The following GRIK2 variants were observed in gnomAD, a reference collection of about 807,000 sequenced individuals.
The protein encoded by GRIK2 is glutamate ionotropic receptor kainate type subunit 2, also known as glutamate receptor ionotropic, kainate 2.
In GRIK2, 32 loss-of-function variants were observed where a neutral mutation model predicts 100.3. The ratio of observed to expected loss-of-function variants is 0.32; its 90% CI spans 0.24 to 0.43. GRIK2 has a LOEUF of 0.43. Ranked by LOEUF, GRIK2 falls within the 20% of genes least tolerant of loss-of-function variation. GRIK2 has a pLI of 1.00. For synonymous variants in GRIK2, 417 were observed against 389.4 expected, an observed-to-expected ratio of 1.07 and a Z score of -0.83; for missense variants, 843 against 1,114.9, an observed-to-expected ratio of 0.76 and a Z score of 3.47.
At chr6:101,767,280 C>T (rs1482405594) in intron 7 of GRIK2, among the ~76,000 whole-genome samples, 2 of 151,930 alleles carry the variant, frequency 1.3e-5, no homozygotes, top group Non-Finnish European at 2.9e-5. Context: ...ATCAATTCAC[C>T]TTTTTTTCTC....
At chr6:101,519,210 G>A (rs982954283) in intron 2 of GRIK2, among the ~76,000 whole-genome samples, 3 of 151,968 alleles carry the variant, frequency 2.0e-5, no homozygotes, top group Non-Finnish European at 4.4e-5. Context: ...GAAGAGTAGA[G>A]ACATATTTAC....
chr6:101,881,539 G>A (rs1050455582), intron 11 of GRIK2, among the ~76,000 whole-genome samples: 2 of 151,946 alleles, frequency 1.3e-5, no homozygotes, highest in African/African-American at 2.4e-5. Flanking sequence ...TTAAATAAAA[G>A]TTTAGTCTTT....
chr6:101,628,277 AG>A (rs1780554405), intron 4 of GRIK2, among the ~76,000 whole-genome samples: 1 of 152,126 alleles, frequency 6.6e-6, no homozygotes, highest in Non-Finnish European at 1.5e-5. Flanking sequence ...GATTAAAAAA[AG>A]GGAAAATAAT....
intron 2 of GRIK2, among the ~76,000 whole-genome samples, chr6:101,590,192 C>A (rs1778574202): frequency 6.6e-6 from 1 of 151,950 alleles, no homozygotes; most frequent in African/African-American, 2.4e-5. Flanking sequence ...TGGACTGTAC[C>A]AGTTATCTGC....
At chr6:101,848,868 A>G (rs1783955074) in intron 10 of GRIK2, among the ~76,000 whole-genome samples, 1 of 152,090 alleles carries the variant, frequency 6.6e-6, no homozygotes, top group Admixed American at 6.6e-5. Context: ...TTTTTGTGAG[A>G]GAAAAATTTA....
At chr6:101,881,847 T>C (rs1221720973) in intron 11 of GRIK2, among the ~76,000 whole-genome samples, 1 of 152,048 alleles carries the variant, frequency 6.6e-6, no homozygotes, top group Non-Finnish European at 1.5e-5. Flanking sequence ...AGCAAGACCC[T>C]GTCCCTAAAA....
At chr6:101,524,843 A>G (rs1270137223) in intron 2 of GRIK2, among the ~76,000 whole-genome samples, 1 of 151,430 alleles carries the variant, frequency 6.6e-6, no homozygotes, top group Non-Finnish European at 1.5e-5. Flanking sequence ...ACGATTCTCC[A>G]ACCTCAGACT....
At chr6:101,738,443 T>C (rs1034897542) in intron 7 of GRIK2, among the ~76,000 whole-genome samples, 2 of 152,204 alleles carry the variant, frequency 1.3e-5, no homozygotes, top group Non-Finnish European at 2.9e-5. Flanking sequence ...TTTCAGACTT[T>C]GTACTTAGAT....
At chr6:101,981,969 T>G (rs1793738123) in intron 14 of GRIK2, among the ~76,000 whole-genome samples, 1 of 151,876 alleles carries the variant, frequency 6.6e-6, no homozygotes, top group African/African-American at 2.4e-5. Context: ...GCATAGCTGG[T>G]TAGATAGATG....
At chr6:101,638,129 G>C (rs986710354) in intron 4 of GRIK2, among the ~76,000 whole-genome samples, 113 of 151,434 alleles carry the variant, frequency 7.5e-4, no homozygotes, top group African/African-American at 2.6e-3. Context: ...GGTCATGGAA[G>C]CTCTAAATAT....
At chr6:101,854,987 A>G (rs1025211431) in intron 10 of GRIK2, among the ~76,000 whole-genome samples, 8 of 152,204 alleles carry the variant, frequency 5.3e-5, no homozygotes, top group Non-Finnish European at 8.8e-5. Flanking sequence ...TTTATATTTA[A>G]CTTGAGCCTT....
chr6:101,396,245 C>CTT (rs1562107342), intron 1 of GRIK2, among the ~76,000 whole-genome samples: 169 of 137,220 alleles, frequency 1.2e-3, no homozygotes, highest in African/African-American at 3.9e-3. Context: ...TTAGCATTCC[C>CTT]CCCCCCCCCA....
chr6:101,742,933 C>T (rs1044145412), intron 7 of GRIK2, among the ~76,000 whole-genome samples: 15 of 152,128 alleles, frequency 9.9e-5, no homozygotes, highest in African/African-American at 3.4e-4. Context: ...TGGCTGAGGA[C>T]GAAGTCCATT....
At chr6:101,897,013 C>T (rs1161007395) in intron 12 of GRIK2, among the ~76,000 whole-genome samples, 1 of 148,942 alleles carries the variant, frequency 6.7e-6, no homozygotes, top group Non-Finnish European at 1.5e-5. Context: ...CACACACACA[C>T]ACACACACAC....
intron 15 of GRIK2, among the ~76,000 whole-genome samples, chr6:102,036,600 A>G (rs536434731): frequency 6.6e-6 from 1 of 151,276 alleles, no homozygotes; most frequent in South Asian, 2.1e-4. Flanking sequence ...AGAGAGAAAG[A>G]GAAAGAAGAG....
intron 8 of GRIK2, among the ~76,000 whole-genome samples, 183 bp from the exon 9 acceptor site, chr6:101,802,148 C>G (rs1045833516): frequency 2.8e-4 from 42 of 151,724 alleles, no homozygotes; most frequent in African/African-American, 1.0e-3. Context: ...AAATTTTCTG[C>G]TGAAACTAGG....
At chr6:101,923,601 G>T (rs933107609) in intron 12 of GRIK2, among the ~76,000 whole-genome samples, 1 of 152,174 alleles carries the variant, frequency 6.6e-6, no homozygotes, top group South Asian at 2.1e-4. Context: ...AAAACAGTGA[G>T]CCTCAGTATG....
chr6:101,462,683 T>C (rs1165656462), intron 2 of GRIK2, among the ~76,000 whole-genome samples: 1 of 152,190 alleles, frequency 6.6e-6, no homozygotes, highest in African/African-American at 2.4e-5. Context: ...TTAGAGAATG[T>C]AGCCCAAGTA....
chr6:101,515,871 G>T (rs893737570), intron 2 of GRIK2, among the ~76,000 whole-genome samples: 1 of 152,048 alleles, frequency 6.6e-6, no homozygotes, highest in African/African-American at 2.4e-5. Flanking sequence ...TGGGTTGTCT[G>T]TTTACTCTGC....
Sources: gnomAD v4.1 joint callset for allele counts (sites outside exome capture counted in the v4.1 genomes callset) on GRCh38, gnomAD v4.1.1 for gene constraint, MANE v1.5 for transcripts, NCBI Gene and HGNC (gene_info 2026-07-23, HGNC 2026-07-21) for gene names.